Variants in ERC2 observed in about 807,000 individuals in gnomAD.
ERC2 encodes ERC protein 2.
A neutral mutation model predicts 114.8 loss-of-function variants in ERC2; 42 were observed. The observed-to-expected ratio is 0.37, with a 90% CI of 0.29 to 0.47. ERC2 has a LOEUF of 0.47. Ranked by LOEUF, ERC2 falls within the 20% of genes least tolerant of loss-of-function variation. The probability of loss-of-function intolerance (pLI) is 0.99; values close to 1 mark genes in which losing one functional copy is unlikely to be tolerated. For missense variants in ERC2, 939 were observed against 1,150.7 expected, an observed-to-expected ratio of 0.82 and a Z score of 2.66; for synonymous variants, 454 against 425.5, an observed-to-expected ratio of 1.07 and a Z score of -0.82.
chr3:56,363,673 C>A (rs1263919794), intron 2 of ERC2, among the ~76,000 whole-genome samples: 1 of 152,114 alleles, frequency 6.6e-6, no homozygotes, highest in African/African-American at 2.4e-5. Flanking sequence ...ATCAATGTAA[C>A]TTTAAAAGTC....
rs140674938 is a variant in ERC2 at position 56,339,681 on chromosome 3, C to A, written c.658-43246G>T. Among the ~76,000 whole-genome samples, 29 of 152,200 alleles carry A rather than the reference C, an allele frequency of 1.9e-4. No individual in the cohort carries two copies. In the East Asian group the frequency reaches 5.6e-3, roughly 29 times the overall value. ...TCTCTCTCTCTCCCTCTCCCTCTTCCCACCCCTGTCCTTACTCCACCCTCT... is the reference window on the plus strand; with the variant it reads ...TCTCTCTCTCTCCCTCTCCCTCTTCACACCCCTGTCCTTACTCCACCCTCT... On this transcript the variant is annotated intron_variant, in intron 2 of 17. Coordinates refer to ENST00000288221, the MANE Select transcript of ERC2 (RefSeq NM_015576.3).
chr3:56,434,271 G>T, intron 2 of ERC2, 80 bp downstream of exon 2: 3 of 1,358,276 alleles, frequency 2.2e-6, no homozygotes, highest in Non-Finnish European at 3.0e-6. Context: ...CTTCTGCACA[G>T]GTCGTGGTAC....
intron 13 of ERC2, among the ~76,000 whole-genome samples, chr3:55,929,720 T>G (rs1450557739): frequency 3.3e-5 from 5 of 152,136 alleles, no homozygotes; most frequent in African/African-American, 1.2e-4. Context: ...GGAACGGACT[T>G]CCCCCTTGCT....
chr3:55,641,249 A>G (rs1241285834), intron 17 of ERC2, among the ~76,000 whole-genome samples: 1 of 152,156 alleles, frequency 6.6e-6, no homozygotes, highest in African/African-American at 2.4e-5. Context: ...CTGACTTTTC[A>G]GATATAAGAG....
intron 3 of ERC2, among the ~76,000 whole-genome samples, chr3:56,233,583 G>T (rs968774912): frequency 2.0e-5 from 3 of 150,930 alleles, no homozygotes; most frequent in African/African-American, 7.3e-5. Flanking sequence ...GCTGGAGGTT[G>T]CAGTAAGCCA....
chr3:55,950,809 G>A (rs1185585089), intron 12 of ERC2, among the ~76,000 whole-genome samples: 2 of 152,184 alleles, frequency 1.3e-5, no homozygotes, highest in Non-Finnish European at 2.9e-5. Context: ...ATGGAGCTTA[G>A]AGGCCAGTGG....
intron 14 of ERC2, among the ~76,000 whole-genome samples, chr3:55,815,387 C>T (rs1287430161): frequency 6.6e-6 from 1 of 152,112 alleles, no homozygotes; most frequent in Non-Finnish European, 1.5e-5. Context: ...ATTATTCTGG[C>T]GGGACTAACA....
chr3:55,673,812 T>G (rs1278137852), intron 17 of ERC2, among the ~76,000 whole-genome samples: 53 of 150,514 alleles, frequency 3.5e-4, no homozygotes, highest in African/African-American at 1.3e-3. Context: ...AAGTTTTTTT[T>G]TTTTTTTTTT....
At chr3:56,035,014 G>A (rs186780970) in intron 7 of ERC2, among the ~76,000 whole-genome samples, 209 of 151,640 alleles carry the variant, frequency 1.4e-3, no homozygotes, top group African/African-American at 4.7e-3. Flanking sequence ...AAAAACAACC[G>A]AAAGAACAAA....
At position 56,094,036 on chromosome 3, in the gene ERC2, T is replaced by C. The variant is rs539862175; in HGVS notation, c.1474-13052A>G. On this transcript the variant is annotated intron_variant, in intron 6 of 17. Coordinates refer to ENST00000288221, the MANE Select transcript of ERC2 (RefSeq NM_015576.3). ...TCTGAAAAGTCCCACAGCAAAGATCTTCTTTAAATTGATTTAACTTACCTT... is the reference window on the plus strand; with the variant it reads ...TCTGAAAAGTCCCACAGCAAAGATCCTCTTTAAATTGATTTAACTTACCTT... Among the ~76,000 whole-genome samples the C allele has an allele frequency of 2.6e-5, 4 of 152,282 alleles. No homozygotes were observed. In the South Asian group the frequency reaches 8.3e-4, roughly 32 times the overall value.
chr3:56,098,816 C>T (rs111711817), intron 6 of ERC2, among the ~76,000 whole-genome samples: 3,255 of 152,242 alleles, frequency 0.021, 52 homozygotes, highest in Non-Finnish European at 0.036. Context: ...TATTGGCCCC[C>T]TTGATCTAGA....
chr3:55,544,522 C>A (rs2054611038), intron 17 of ERC2, among the ~76,000 whole-genome samples: 1 of 152,176 alleles, frequency 6.6e-6, no homozygotes, highest in African/African-American at 2.4e-5. Context: ...GATGACGGGG[C>A]AGTCCTTCTA....
At chr3:55,769,625 T>C (rs1018156923) in intron 14 of ERC2, among the ~76,000 whole-genome samples, 1 of 152,098 alleles carries the variant, frequency 6.6e-6, no homozygotes, top group African/African-American at 2.4e-5. Flanking sequence ...TCTTTTCAGA[T>C]AAAAAAAGTT....
At chr3:55,840,287 TAAAC>T (rs1049273568) in intron 14 of ERC2, among the ~76,000 whole-genome samples, 88 of 151,626 alleles carry the variant, frequency 5.8e-4, no homozygotes, top group African/African-American at 2.1e-3. Context: ...CCAAAACAAG[TAAAC>T]AAACAATACA....
At chr3:55,920,415 AACACACACAC>A (rs10560997) in intron 13 of ERC2, among the ~76,000 whole-genome samples, 26 of 146,830 alleles carry the variant, frequency 1.8e-4, no homozygotes, top group African/African-American at 5.0e-4. Context: ...GGCACACTAA[AACACACACAC>A]ACACACACAC....
At chr3:56,446,786 C>T (rs529894643) in intron 1 of ERC2, among the ~76,000 whole-genome samples, 39 of 151,778 alleles carry the variant, frequency 2.6e-4, no homozygotes, top group African/African-American at 8.9e-4. Flanking sequence ...TCACCACACC[C>T]GGCTAATTTT....
At chr3:56,073,214 T>G (rs954872508) in intron 7 of ERC2, among the ~76,000 whole-genome samples, 4 of 152,144 alleles carry the variant, frequency 2.6e-5, no homozygotes, top group Non-Finnish European at 5.9e-5. Flanking sequence ...AGTAAAAACT[T>G]TTAAGAAATG....
intron 3 of ERC2, among the ~76,000 whole-genome samples, chr3:56,230,240 G>A (rs1422634957): frequency 2.6e-5 from 4 of 152,102 alleles, no homozygotes; most frequent in African/African-American, 7.2e-5. Flanking sequence ...CATCTCTGAT[G>A]ATAAATAGAA....
intron 6 of ERC2, among the ~76,000 whole-genome samples, chr3:56,102,412 A>G (rs1380459683): frequency 6.6e-6 from 1 of 152,220 alleles, no homozygotes; most frequent in Non-Finnish European, 1.5e-5. Context: ...TCTTTAAGAA[A>G]AAAACAAAAC....
Sources: gnomAD v4.1 joint callset for allele counts (sites outside exome capture counted in the v4.1 genomes callset) on GRCh38, gnomAD v4.1.1 for gene constraint, MANE v1.5 for transcripts, NCBI Gene and HGNC (gene_info 2026-07-23, HGNC 2026-07-21) for gene names.